Variants in MGAT4C observed in about 807,000 individuals in gnomAD.
MGAT4C encodes the protein MGAT4 family member C.
In MGAT4C, 19 loss-of-function variants were observed where a neutral mutation model predicts 40.1. The observed-to-expected ratio is 0.47, with a 90% CI of 0.33 to 0.70. MGAT4C has a LOEUF of 0.70. Among genes scored for constraint, MGAT4C ranks in the 30% least tolerant of loss-of-function variants. The probability of loss-of-function intolerance (pLI) is 0.02; values close to 1 mark genes in which losing one functional copy is unlikely to be tolerated. For synonymous variants in MGAT4C, 181 were observed against 187.1 expected (o/e 0.97, Z 0.27); for missense variants, 491 against 563.2 (o/e 0.87, Z 1.30).
intron 1 of MGAT4C, among the ~76,000 whole-genome samples, chr12:86,059,880 AAT>A (rs1893770131): frequency 6.8e-6 from 1 of 146,172 alleles, no homozygotes; most frequent in South Asian, 2.1e-4. Context: ...TCTACCTTAA[AAT>A]ACAAGTCAGC....
chr12:86,320,942 G>A (rs548913256), intron 4 of MGAT4C, among the ~76,000 whole-genome samples: 2 of 151,966 alleles, frequency 1.3e-5, no homozygotes, highest in East Asian at 3.9e-4. Flanking sequence ...TATATAATTT[G>A]CACTATTTAA....
In MGAT4C at chr12:86,456,818, T is replaced by C. The variant is rs182701730; in HGVS notation, c.-228-21553A>G. 1.3e-4 allele frequency among the ~76,000 whole-genome samples: 20 copies of C among 152,226 alleles called. No homozygotes were observed. The East Asian group carries it at 3.3e-3, about 25-fold the overall frequency. On this transcript the variant is annotated intron_variant, in intron 2 of 7. Transcript: ENST00000548651. ...TAAAAGATGCATGACATAAAACTTA[T>C]AGAAATCTTGCATTATGAGCTCTCT...
intron 3 of MGAT4C, among the ~76,000 whole-genome samples, chr12:86,375,259 T>G (rs1301573524): frequency 6.6e-6 from 1 of 152,170 alleles, no homozygotes; most frequent in Non-Finnish European, 1.5e-5. Context: ...AGGTTTTGTA[T>G]TTACCACTGG....
intron 3 of MGAT4C, among the ~76,000 whole-genome samples, chr12:86,370,189 T>C (rs1303780498): frequency 6.6e-6 from 1 of 151,964 alleles, no homozygotes; most frequent in Non-Finnish European, 1.5e-5. Context: ...GTGCAGCTCA[T>C]AGTTAAAAGT....
chr12:86,502,411 T>C (rs116480292), intron 2 of MGAT4C, among the ~76,000 whole-genome samples: 2,121 of 151,952 alleles, frequency 0.014, 15 homozygotes, highest in African/African-American at 0.021. Flanking sequence ...ATTCTGTATG[T>C]TGCTATAATG....
intron 2 of MGAT4C, among the ~76,000 whole-genome samples, chr12:86,588,736 G>T (rs1178853252): frequency 6.6e-6 from 1 of 152,024 alleles, no homozygotes. Flanking sequence ...CTAGAACTCA[G>T]GATTAAGAAA....
In MGAT4C at chr12:86,094,223, A is replaced by C. The variant is rs61564474; in HGVS notation, c.-56-44500T>G. Among the ~76,000 whole-genome samples, 1,199 of 152,284 alleles carry C rather than the reference A, an allele frequency of 7.9e-3. 8 individuals are homozygous for C. The highest frequency in any genetic ancestry group is 0.028 in the African/African-American group (1,155 of 41,570). On this transcript the variant is annotated intron_variant, in intron 1 of 4. Transcript: ENST00000611864. The stretch of plus-strand genomic sequence containing the variant: ...GGAGAGAAAATAAGGTTGTAAAATT[A>C]CACTGAAAAAGAGGATCTTGAAGAT...
intron 1 of MGAT4C, among the ~76,000 whole-genome samples, chr12:86,098,164 A>C (rs1874295786): frequency 6.6e-6 from 1 of 151,726 alleles, no homozygotes; most frequent in South Asian, 2.1e-4. Flanking sequence ...AAAAGATGAC[A>C]ATGTTCCTAT....
chr12:86,061,124 G>A (rs1847206), intron 1 of MGAT4C, among the ~76,000 whole-genome samples: 122,179 of 152,076 alleles, frequency 0.8, 49,762 homozygotes, highest in East Asian at 0.97. Context: ...ATCAACTCAG[G>A]AGGCGGGTTA....
intron 4 of MGAT4C, among the ~76,000 whole-genome samples, chr12:86,262,618 C>T (rs1011586766): frequency 2.0e-5 from 3 of 151,986 alleles, no homozygotes; most frequent in African/African-American, 4.8e-5. Flanking sequence ...TCTGCTTTTG[C>T]TTACTCTCTT....
intron 2 of MGAT4C, among the ~76,000 whole-genome samples, chr12:86,667,410 A>T (rs1025913374): frequency 6.6e-6 from 1 of 152,204 alleles, no homozygotes; most frequent in African/African-American, 2.4e-5. Context: ...TCAGAAATAC[A>T]GACCTAGATG....
At chr12:86,090,797 T>A (rs1373730617) in intron 1 of MGAT4C, among the ~76,000 whole-genome samples, 3 of 151,904 alleles carry the variant, frequency 2.0e-5, no homozygotes, top group African/African-American at 7.2e-5. Context: ...ATACTTTTTT[T>A]TGTTTGTTTA....
At chr12:86,201,820 A>G (rs993305857) in intron 1 of MGAT4C, among the ~76,000 whole-genome samples, 1 of 151,862 alleles carries the variant, frequency 6.6e-6, no homozygotes, top group African/African-American at 2.4e-5. Context: ...CTTCTTTACC[A>G]TTTCTCCCAG....
intron 1 of MGAT4C, among the ~76,000 whole-genome samples, chr12:86,169,478 C>T (rs1464254057): frequency 6.6e-6 from 1 of 152,156 alleles, no homozygotes; most frequent in Non-Finnish European, 1.5e-5. Context: ...ATTCATTTTG[C>T]AACTCAAGTT....
Position 86,181,822 on chromosome 12 carries a change from T to G in MGAT4C, c.-57+74417A>C, listed in dbSNP as rs115944837. Among the ~76,000 whole-genome samples, 1,062 of 152,200 alleles carry G rather than the reference T, an allele frequency of 7.0e-3. 14 individuals are homozygous for G. The highest frequency in any genetic ancestry group is 0.024 in the African/African-American group (1,017 of 41,562). On this transcript the variant is annotated intron_variant, in intron 1 of 4. Transcript: ENST00000611864. ...TTTCAGCATTCAATTTTTCAATTGA[T>G]TTTTATTGATGTGTTATGGATTATT...
At chr12:86,610,585 T>C (rs1269984272) in intron 2 of MGAT4C, among the ~76,000 whole-genome samples, 3 of 151,972 alleles carry the variant, frequency 2.0e-5, no homozygotes, top group African/African-American at 7.3e-5. Flanking sequence ...TTCTTTCTTT[T>C]TGTTTATTAT....
At chr12:86,767,053 C>A (rs543963994) in intron 1 of MGAT4C, among the ~76,000 whole-genome samples, 360 of 152,206 alleles carry the variant, frequency 2.4e-3, no homozygotes, top group African/African-American at 8.3e-3. Context: ...ACACAAAAAA[C>A]CCTTCAAAAA....
chr12:86,233,651 G>GT (rs1268491128), intron 1 of MGAT4C, among the ~76,000 whole-genome samples: 12 of 151,824 alleles, frequency 7.9e-5, no homozygotes, highest in Non-Finnish European at 1.0e-4. Flanking sequence ...TTCACTTATG[G>GT]TTTTTTTTCT....
intron 3 of MGAT4C, among the ~76,000 whole-genome samples, chr12:86,418,110 G>T (rs956650419): frequency 2.0e-5 from 3 of 151,836 alleles, no homozygotes; most frequent in African/African-American, 7.3e-5. Context: ...ACTTTTTTTA[G>T]CTATTGAAAA....
Sources: gnomAD v4.1 joint callset for allele counts (sites outside exome capture counted in the v4.1 genomes callset) on GRCh38, gnomAD v4.1.1 for gene constraint, MANE v1.5 for transcripts, NCBI Gene and HGNC (gene_info 2026-07-23, HGNC 2026-07-21) for gene names.